SCML4: variants seen among roughly 807,000 people sequenced by gnomAD.
SCML4 encodes the protein Scm polycomb group protein like 4, also known as sex comb on midleg-like protein 4.
A neutral mutation model predicts 41.1 loss-of-function variants in SCML4; 34 were observed. The ratio of observed to expected loss-of-function variants is 0.83; its 90% CI spans 0.63 to 1.10. The LOEUF (loss-of-function observed/expected upper bound fraction) is 1.10. Among genes scored for constraint, SCML4 ranks in the 50% least tolerant of loss-of-function variants. The probability of loss-of-function intolerance (pLI) is 0.00; values close to 1 mark genes in which losing one functional copy is unlikely to be tolerated. For missense variants in SCML4, 522 were observed against 534.1 expected (o/e 0.98, Z 0.22); for synonymous variants, 214 against 220.9 (o/e 0.97, Z 0.28).
intron 1 of SCML4, among the ~76,000 whole-genome samples, chr6:107,798,426 T>C (rs550631349): frequency 1.6e-3 from 250 of 152,122 alleles, no homozygotes; most frequent in Non-Finnish European, 2.0e-3. Flanking sequence ...ATTATGTTAA[T>C]ATTCTTAGTG....
intron 5 of SCML4, among the ~76,000 whole-genome samples, chr6:107,730,989 G>A (rs1356494074): frequency 6.6e-6 from 1 of 152,150 alleles, no homozygotes; most frequent in Non-Finnish European, 1.5e-5. Flanking sequence ...ATAGGGTTAG[G>A]TAATGCCCCT....
At chr6:107,758,267 T>C (rs1779269155) in intron 2 of SCML4, among the ~76,000 whole-genome samples, 1 of 152,124 alleles carries the variant, frequency 6.6e-6, no homozygotes, top group Admixed American at 6.6e-5. Flanking sequence ...AGGTAGCCTG[T>C]TGTGACTGGA....
intron 1 of SCML4, among the ~76,000 whole-genome samples, chr6:107,776,143 G>A (rs941402615): frequency 1.4e-4 from 22 of 152,070 alleles, no homozygotes; most frequent in African/African-American, 5.3e-4. Context: ...GAACCAGAAA[G>A]ATTGATAGAC....
chr6:107,709,796 C>T (rs1001219626), intron 6 of SCML4, among the ~76,000 whole-genome samples: 1 of 152,148 alleles, frequency 6.6e-6, no homozygotes, highest in Admixed American at 6.5e-5. Flanking sequence ...CTACAACCTC[C>T]ACCTTCCGGG....
chr6:107,757,046 C>T (rs1161456821), intron 2 of SCML4, among the ~76,000 whole-genome samples: 1 of 152,230 alleles, frequency 6.6e-6, no homozygotes, highest in Admixed American at 6.5e-5. Context: ...TGCTTTGCCT[C>T]ATTAGAGAAT....
intron 7 of SCML4, 83 bp from the exon 8 acceptor site, chr6:107,705,408 A>C: frequency 7.5e-7 from 1 of 1,328,618 alleles, no homozygotes; most frequent in Admixed American, 2.0e-5. Flanking sequence ...GGTGTGGTCA[A>C]GGGGTGTGCT....
intron 2 of SCML4, among the ~76,000 whole-genome samples, chr6:107,766,607 A>G (rs142289054): frequency 6.6e-6 from 1 of 152,340 alleles, no homozygotes; most frequent in Non-Finnish European, 1.5e-5. Context: ...AATAACAACT[A>G]ACATTCATGT....
chr6:107,817,355 C>T (rs547129054), intron 1 of SCML4, among the ~76,000 whole-genome samples: 3 of 152,250 alleles, frequency 2.0e-5, no homozygotes, highest in Admixed American at 6.5e-5. Flanking sequence ...CAATGGCTCA[C>T]GCCTTAATCC....
intron 1 of SCML4, among the ~76,000 whole-genome samples, chr6:107,817,815 T>C (rs563069745): frequency 3.5e-4 from 53 of 152,134 alleles, no homozygotes; most frequent in African/African-American, 1.3e-3. Flanking sequence ...TTCTCACACA[T>C]ATCACCTCCC....
At chr6:107,835,264 G>C in the SCML4 span, among the ~76,000 whole-genome samples, 1 of 152,198 alleles carries the variant, frequency 6.6e-6, no homozygotes, top group Non-Finnish European at 1.5e-5. Context: ...AGCAGGCTGA[G>C]ATGGGAGGAT....
At chr6:107,723,798 G>A (rs1775673657) in intron 5 of SCML4, among the ~76,000 whole-genome samples, 1 of 152,066 alleles carries the variant, frequency 6.6e-6, no homozygotes, top group South Asian at 2.1e-4. Flanking sequence ...CAGCTTCTAT[G>A]GCAAATACTT....
At chr6:107,761,442 GT>G (rs372225961) in intron 2 of SCML4, among the ~76,000 whole-genome samples, 3,304 of 20,116 alleles carry the variant, frequency 0.16, 118 homozygotes, top group African/African-American at 0.23. Flanking sequence ...AATATCTTTG[GT>G]TTTTTTTTTT....
In SCML4 at chr6:107,787,462, C is replaced by T. The variant is rs76614447; in HGVS notation, c.-59-15076G>A. Among the ~76,000 whole-genome samples the T allele has an allele frequency of 4.0e-3, 616 of 152,290 alleles. 5 individuals are homozygous for T. Among genetic ancestry groups the T allele is most frequent in the East Asian group, 0.025 (130 of 5,188 alleles). On this transcript the variant is annotated intron_variant, in intron 1 of 7. Transcript: ENST00000369020. ...ACACCTTAGAATGCAGCTACACACA[C>T]ACATATATATATATTTTTGCAAACC... is the stretch of plus-strand genomic sequence containing the variant.
chr6:107,810,775 G>C (rs1012640104), intron 1 of SCML4, among the ~76,000 whole-genome samples: 1 of 152,000 alleles, frequency 6.6e-6, no homozygotes, highest in African/African-American at 2.4e-5. Flanking sequence ...TATTGAAGTC[G>C]TAACTCCCAA....
At chr6:107,721,645 C>T (rs1003193356) in intron 5 of SCML4, among the ~76,000 whole-genome samples, 1 of 152,202 alleles carries the variant, frequency 6.6e-6, no homozygotes, top group Non-Finnish European at 1.5e-5. Flanking sequence ...CCCACCAGCA[C>T]AGCCCCCCTC....
chr6:107,820,525 T>C (rs530806681), intron 1 of SCML4, among the ~76,000 whole-genome samples: 106 of 152,370 alleles, frequency 7.0e-4, no homozygotes, highest in African/African-American at 2.3e-3. Context: ...CAAGCCTCTG[T>C]AAGCATGTCC....
intron 1 of SCML4, among the ~76,000 whole-genome samples, chr6:107,774,630 CT>C (rs549793428): frequency 6.3e-4 from 95 of 151,884 alleles, no homozygotes; most frequent in African/African-American, 2.2e-3. Context: ...TATTTTTTTC[CT>C]AGTTTGGGAC....
intron 6 of SCML4, among the ~76,000 whole-genome samples, chr6:107,712,500 A>C (rs1207998585): frequency 6.6e-6 from 1 of 152,124 alleles, no homozygotes; most frequent in Non-Finnish European, 1.5e-5. Flanking sequence ...TGAGATGGCA[A>C]AGTGGGCTCT....
At chr6:107,755,073 C>T (rs907424117) in intron 2 of SCML4, among the ~76,000 whole-genome samples, 3 of 151,750 alleles carry the variant, frequency 2.0e-5, no homozygotes, top group Non-Finnish European at 4.4e-5. Flanking sequence ...CACTACACTC[C>T]AGCCTGGGCA....
Sources: gnomAD v4.1 joint callset for allele counts (sites outside exome capture counted in the v4.1 genomes callset) on GRCh38, gnomAD v4.1.1 for gene constraint, MANE v1.5 for transcripts, NCBI Gene and HGNC (gene_info 2026-07-23, HGNC 2026-07-21) for gene names.